The following KIAA1671 variants were observed in gnomAD, a reference collection of about 807,000 sequenced individuals.
KIAA1671 encodes the protein uncharacterized protein KIAA1671.
Under a neutral mutation model 131.2 loss-of-function variants are expected in KIAA1671, and 52 were observed. The ratio of observed to expected loss-of-function variants is 0.40; its 90% CI spans 0.32 to 0.50. The LOEUF (loss-of-function observed/expected upper bound fraction) is 0.50, where lower values mean the gene tolerates loss of function less well. Among genes scored for constraint, KIAA1671 ranks in the 20% least tolerant of loss-of-function variants. The probability of loss-of-function intolerance (pLI) is 0.73; values close to 1 mark genes in which losing one functional copy is unlikely to be tolerated. For synonymous variants in KIAA1671, 1,003 were observed against 961.6 expected, an observed-to-expected ratio of 1.04 and a Z score of -0.80; for missense variants, 2,360 against 2,364.2, an observed-to-expected ratio of 1.00 and a Z score of 0.04.
intron 1 of KIAA1671, among the ~76,000 whole-genome samples, chr22:25,022,125 G>A (rs1925706082): frequency 2.0e-5 from 3 of 152,146 alleles, no homozygotes; most frequent in Admixed American, 2.0e-4. Context: ...TTGCAGATTT[G>A]GGGACTAAGG....
chr22:25,093,885 T>TCC (rs1930272417), intron 6 of KIAA1671, among the ~76,000 whole-genome samples: 2 of 138,732 alleles, frequency 1.4e-5, no homozygotes, highest in Admixed American at 7.3e-5. Context: ...TCTCTCTCTC[T>TCC]CCCTTCTGCT....
In KIAA1671 at chr22:25,041,450, C is replaced by T; in HGVS notation, c.4320C>T (p.Pro1440=). 6.4e-7 allele frequency: 1 copy of T among 1,551,726 alleles called. No homozygotes were observed. The highest frequency in any genetic ancestry group is 8.7e-7 in the Non-Finnish European group (1 of 1,147,008). Residue 1440 remains proline (P), a synonymous_variant, in exon 5 of 13, where the codon CCC becomes CCT. Coordinates refer to ENST00000358431, the MANE Select transcript of KIAA1671 (RefSeq NM_001145206.2). The stretch of plus-strand genomic sequence containing the variant: ...GGCGAGAGCAGCCCAAAGGGAGGCC[C>T]AGCCTTACTGGAGAGAATTTGGAGG... ...ERRREQPKGR[P]SLTGENLEAK... is the part of the protein sequence containing the mutation.
At chr22:25,016,235 G>A (rs1925309939) in intron 1 of KIAA1671, among the ~76,000 whole-genome samples, 1 of 151,936 alleles carries the variant, frequency 6.6e-6, no homozygotes, top group Admixed American at 6.6e-5. Flanking sequence ...TGGCCAGGAT[G>A]GTCTCGATCT....
At chr22:25,080,958 G>C (rs1929371922) in intron 6 of KIAA1671, among the ~76,000 whole-genome samples, 1 of 152,176 alleles carries the variant, frequency 6.6e-6, no homozygotes, top group South Asian at 2.1e-4. Context: ...CCCACTCTCA[G>C]ATGGAGGTCT....
At chr22:25,115,235 C>T (rs955337878) in intron 6 of KIAA1671, among the ~76,000 whole-genome samples, 3 of 152,142 alleles carry the variant, frequency 2.0e-5, no homozygotes, top group Admixed American at 2.0e-4. Context: ...AAGGTGGACT[C>T]CAGTTAGAGG....
intron 1 of KIAA1671, chr22:25,012,366 C>T: frequency 6.6e-6 from 1 of 151,844 alleles, no homozygotes; most frequent in Non-Finnish European, 1.5e-5. Context: ...TCTGCCTCCC[C>T]AGTTCAAGTG....
intron 6 of KIAA1671, among the ~76,000 whole-genome samples, chr22:25,158,473 G>T (rs1426816687): frequency 6.6e-6 from 1 of 152,132 alleles, no homozygotes; most frequent in Non-Finnish European, 1.5e-5. Context: ...AGCACAGGGG[G>T]TTCTATGGGG....
chr22:25,130,101 C>G (rs984888333), intron 6 of KIAA1671, among the ~76,000 whole-genome samples: 1 of 151,880 alleles, frequency 6.6e-6, no homozygotes, highest in African/African-American at 2.4e-5. Flanking sequence ...AATAAATAAG[C>G]AATTATTATC....
chr22:25,155,299 T>C (rs1933191712), intron 6 of KIAA1671, among the ~76,000 whole-genome samples: 2 of 152,294 alleles, frequency 1.3e-5, no homozygotes, highest in East Asian at 3.9e-4. Context: ...GGCAGTTGGG[T>C]TGTGTGTTTG....
chr22:25,090,494 A>G (rs1929972438), intron 6 of KIAA1671, among the ~76,000 whole-genome samples: 1 of 152,222 alleles, frequency 6.6e-6, no homozygotes, highest in Non-Finnish European at 1.5e-5. Context: ...GAAATCTCAA[A>G]TGTCTCCCAG....
chr22:25,041,995 C>T (rs1159353825), intron 5 of KIAA1671, among the ~76,000 whole-genome samples: 1 of 152,188 alleles, frequency 6.6e-6, no homozygotes. Flanking sequence ...CCTCCTGCCT[C>T]GGCCTCCCAA....
Position 25,170,934 on chromosome 22 carries a change from G to T in KIAA1671, c.4645G>T (p.Glu1549Ter). 6.4e-7 allele frequency: 1 copy of T among 1,551,648 alleles called. No individual in the cohort carries two copies. ...GTWTEQCQSG[E>*]SLATESPDSS... ...GTGGACAGAGCAGTGCCAGAGTGGG[G>T]AGAGGTAGGACGCGTGCGACGGGAT... is the stretch of plus-strand genomic sequence containing the variant. The change falls in exon 7 of 13, where the codon GAG becomes TAG. Residue 1549 changes from glutamate to a stop codon, truncating the protein, a stop_gained. Coordinates refer to ENST00000358431, the MANE Select transcript of KIAA1671 (RefSeq NM_001145206.2). LOFTEE classifies it high-confidence loss of function.
At chr22:25,093,824 T>C (rs28619901) in intron 6 of KIAA1671, among the ~76,000 whole-genome samples, 3,200 of 21,538 alleles carry the variant, frequency 0.15, 265 homozygotes, top group Middle Eastern at 0.26. Context: ...CTCTCTCTCT[T>C]TCTCTCTCTG....
At chr22:25,027,255 A>AG (rs1409595984) in intron 2 of KIAA1671, among the ~76,000 whole-genome samples, 108 of 152,240 alleles carry the variant, frequency 7.1e-4, no homozygotes, top group African/African-American at 2.6e-3. Context: ...GGGAAAGAAA[A>AG]GGGACAAAGG....
chr22:25,008,404 T>C (rs1924863783), intron 1 of KIAA1671, among the ~76,000 whole-genome samples: 1 of 151,976 alleles, frequency 6.6e-6, no homozygotes, highest in African/African-American at 2.4e-5. Context: ...CCCTGTAAAA[T>C]GGGGTTAATA....
intron 1 of KIAA1671, among the ~76,000 whole-genome samples, chr22:24,962,441 C>T (rs1464298861): frequency 6.6e-6 from 1 of 152,106 alleles, no homozygotes; most frequent in African/African-American, 2.4e-5. Context: ...GGAATTCCGC[C>T]ACCCATTCCC....
chr22:25,166,007 A>T (rs1933634523), intron 6 of KIAA1671, among the ~76,000 whole-genome samples: 3 of 152,154 alleles, frequency 2.0e-5, no homozygotes. Flanking sequence ...CCTTACCCGG[A>T]GGGACGTGGG....
At chr22:25,145,661 G>A (rs192064077) in intron 6 of KIAA1671, among the ~76,000 whole-genome samples, 1 of 152,284 alleles carries the variant, frequency 6.6e-6, no homozygotes, top group East Asian at 1.9e-4. Context: ...GCTAGAGGCC[G>A]GGCACAATGG....
Position 25,105,822 on chromosome 22 carries a change from G to GT in KIAA1671, c.4530+56458_4530+56459insT, listed in dbSNP as rs58164737. 3.9e-3 allele frequency among the ~76,000 whole-genome samples: 289 copies of GT among 75,056 alleles called. 2 individuals carry two copies. Among genetic ancestry groups the GT allele is most frequent in the African/African-American group, 9.5e-3 (283 of 29,934 alleles). The allele number at this position is 75,056 out of a possible 152,430, so 49.2% of individuals were successfully genotyped here. ...TAGCTTGTCACAGGTATGAAGTTGG[G>GT]GGGGGGGGGTGCCAAACTCCACCAC... On this transcript the variant is annotated intron_variant, in intron 6 of 12. Coordinates refer to ENST00000358431, the MANE Select transcript of KIAA1671 (RefSeq NM_001145206.2).
Sources: allele counts gnomAD v4.1 joint callset (sites outside exome capture counted in the v4.1 genomes callset), GRCh38; gene constraint gnomAD v4.1.1; transcripts MANE v1.5; gene names NCBI Gene and HGNC (gene_info 2026-07-23, HGNC 2026-07-21).